Variants in IFFO2 observed in about 807,000 individuals in gnomAD.
IFFO2 encodes the protein intermediate filament family orphan 2.
A neutral mutation model predicts 53.5 loss-of-function variants in IFFO2; 19 were observed. That is an observed-to-expected ratio of 0.36 (90% CI 0.25 to 0.52). The LOEUF (loss-of-function observed/expected upper bound fraction) is 0.52. Ranked by LOEUF, IFFO2 falls within the 20% of genes least tolerant of loss-of-function variation. The pLI, the probability that IFFO2 is intolerant of heterozygous loss-of-function variation, is 0.94. For missense variants in IFFO2, 570 were observed against 727.4 expected (o/e 0.78, Z 2.49); for synonymous variants, 303 against 313.6 (o/e 0.97, Z 0.36).
chr1:18,917,100 G>A lies in IFFO2; in HGVS notation c.964-58C>T. 1 of 1,526,748 alleles carries A rather than the reference G, an allele frequency of 6.5e-7. No homozygotes were observed. The highest frequency in any genetic ancestry group is 8.8e-7 in the Non-Finnish European group (1 of 1,130,346). The allele number at this position is 1,526,748 out of a possible 1,614,324, so 94.6% of individuals were successfully genotyped here. ...GGGGGCTCGGCTAGGATGGAAGGTAGGGGTGAACTGGGAAGGGAGCCGGCA... is the reference window on the plus strand; with the variant it reads ...GGGGGCTCGGCTAGGATGGAAGGTAAGGGTGAACTGGGAAGGGAGCCGGCA... On this transcript the variant is annotated intron_variant, in intron 4 of 8. Coordinates refer to ENST00000455833, the MANE Select transcript of IFFO2 (RefSeq NM_001136265.2). The surrounding 1 kb of genome is among the most constrained non-coding windows in gnomAD (Gnocchi z 5.9).
At chr1:18,920,190 G>A (rs924431382) in intron 2 of IFFO2, among the ~76,000 whole-genome samples, 3 of 152,198 alleles carry the variant, frequency 2.0e-5, no homozygotes, top group Non-Finnish European at 4.4e-5. Flanking sequence ...AAGGTCACAC[G>A]CCAGTTTTTC....
chr1:18,946,890 T>C (rs1163479926), intron 1 of IFFO2, among the ~76,000 whole-genome samples: 3 of 152,222 alleles, frequency 2.0e-5, no homozygotes, highest in African/African-American at 7.2e-5. Flanking sequence ...AGAGTAAATG[T>C]TGTATAAATA....
chr1:18,932,206 A>T (rs1369226234), intron 1 of IFFO2, among the ~76,000 whole-genome samples: 1 of 152,188 alleles, frequency 6.6e-6, no homozygotes, highest in Non-Finnish European at 1.5e-5. Flanking sequence ...AGGCTGCTAC[A>T]GTTTGTGAAA....
chr1:18,929,522 G>C (rs767131665), intron 1 of IFFO2, among the ~76,000 whole-genome samples: 1 of 152,184 alleles, frequency 6.6e-6, no homozygotes, highest in Non-Finnish European at 1.5e-5. Flanking sequence ...TCGCCAGGCA[G>C]GGGGGATGAG....
At chr1:18,937,353 A>G (rs1024011971) in intron 1 of IFFO2, among the ~76,000 whole-genome samples, 1 of 152,204 alleles carries the variant, frequency 6.6e-6, no homozygotes, top group African/African-American at 2.4e-5. Context: ...ACGCGCACCA[A>G]AAGAATTAGT....
At chr1:18,943,724 C>T (rs900211012) in intron 1 of IFFO2, among the ~76,000 whole-genome samples, 7 of 152,220 alleles carry the variant, frequency 4.6e-5, no homozygotes, top group African/African-American at 1.4e-4. Flanking sequence ...TCAGTGTCAG[C>T]ATCCCAAGAC....
intron 1 of IFFO2, among the ~76,000 whole-genome samples, chr1:18,950,482 C>T (rs901692249): frequency 2.6e-5 from 4 of 152,160 alleles, no homozygotes; most frequent in Non-Finnish European, 4.4e-5. Context: ...TTACAGAGGA[C>T]GAAGCGGGGA....
intron 1 of IFFO2, among the ~76,000 whole-genome samples, chr1:18,954,653 T>C (rs1199872007): frequency 6.6e-6 from 1 of 152,232 alleles, no homozygotes; most frequent in African/African-American, 2.4e-5. Context: ...TCTTCTCTTA[T>C]GGGAAGAGGA....
intron 5 of IFFO2, among the ~76,000 whole-genome samples, chr1:18,912,367 C>T (rs963875854): frequency 2.6e-5 from 4 of 152,082 alleles, no homozygotes; most frequent in Non-Finnish European, 5.9e-5. Flanking sequence ...TCCTCCAAGT[C>T]CAATCTTGCA....
chr1:18,950,253 A>C lies in IFFO2; in HGVS notation c.665+5415T>G, dbSNP rs75756569. On this transcript the variant is annotated intron_variant, in intron 1 of 8. Coordinates refer to ENST00000455833, the MANE Select transcript of IFFO2 (RefSeq NM_001136265.2). Reference sequence around the variant, plus strand: ...ACACCATCTCTGGCGCCTCCATGGGACAGAGAGAGCGGCGACATGCCCTGA... The same window carrying C: ...ACACCATCTCTGGCGCCTCCATGGGCCAGAGAGAGCGGCGACATGCCCTGA... Among the ~76,000 whole-genome samples, 268 of 152,278 alleles carry C rather than the reference A, an allele frequency of 1.8e-3. 3 individuals carry two copies. The highest frequency in any genetic ancestry group is 0.015 in the East Asian group (80 of 5,182).
chr1:18,931,519 C>A (rs1258323541), intron 1 of IFFO2, among the ~76,000 whole-genome samples: 2 of 152,192 alleles, frequency 1.3e-5, no homozygotes, highest in African/African-American at 4.8e-5. Context: ...TGTTCCCAGT[C>A]CTGAACCCAC....
At chr1:18,927,666 C>A (rs1936322857) in intron 1 of IFFO2, among the ~76,000 whole-genome samples, 2 of 152,272 alleles carry the variant, frequency 1.3e-5, no homozygotes, top group African/African-American at 2.4e-5. Flanking sequence ...GCCTGGGGGC[C>A]CCAATCAGCT....
intron 2 of IFFO2, among the ~76,000 whole-genome samples, chr1:18,920,189 C>T (rs533778619): frequency 4.6e-5 from 7 of 152,204 alleles, no homozygotes; most frequent in South Asian, 2.1e-4. Flanking sequence ...GAAGGTCACA[C>T]GCCAGTTTTT....
At chr1:18,924,843 A>G (rs968259300) in intron 1 of IFFO2, among the ~76,000 whole-genome samples, 6 of 152,218 alleles carry the variant, frequency 3.9e-5, no homozygotes, top group Admixed American at 6.5e-5. Context: ...CCACTGGCAG[A>G]AAATGAGGTG....
intron 1 of IFFO2, among the ~76,000 whole-genome samples, chr1:18,944,030 G>A (rs994842219): frequency 1.6e-4 from 25 of 152,020 alleles, no homozygotes; most frequent in African/African-American, 5.8e-4. Flanking sequence ...GGGTTTAAGG[G>A]GAGTCCTGTG....
chr1:18,913,870 G>C (rs542327549), intron 5 of IFFO2, among the ~76,000 whole-genome samples: 2 of 152,108 alleles, frequency 1.3e-5, no homozygotes, highest in African/African-American at 2.4e-5. Context: ...TCTCGCTGTC[G>C]CCCAGGCTGG....
chr1:18,921,648 A>T (rs1936217095), intron 1 of IFFO2, among the ~76,000 whole-genome samples: 1 of 152,252 alleles, frequency 6.6e-6, no homozygotes, highest in Non-Finnish European at 1.5e-5. Flanking sequence ...ACAGAAGTGG[A>T]AACTGAGGCT....
intron 1 of IFFO2, among the ~76,000 whole-genome samples, chr1:18,951,597 A>G (rs1297397269): frequency 6.6e-6 from 1 of 152,176 alleles, no homozygotes; most frequent in Non-Finnish European, 1.5e-5. Flanking sequence ...GCGCCGGGCA[A>G]CTTCCTCTAC....
chr1:18,933,156 T>C (rs4912078), intron 1 of IFFO2, among the ~76,000 whole-genome samples: 81,693 of 152,170 alleles, frequency 0.54, 24,739 homozygotes, highest in African/African-American at 0.82. Context: ...GAGCTCTCGC[T>C]GGGGCAGGAC....
Sources: gnomAD v4.1 joint callset for allele counts (sites outside exome capture counted in the v4.1 genomes callset) on GRCh38, gnomAD v4.1.1 for gene constraint, Gnocchi (gnomAD v3.1) non-coding constraint, MANE v1.5 for transcripts, NCBI Gene and HGNC (gene_info 2026-07-23, HGNC 2026-07-21) for gene names.